Variants in ZNF462 observed in about 807,000 individuals in gnomAD.
ZNF462 encodes zinc finger PBX1-interacting protein.
ZNF462 carries 10 observed loss-of-function variants against 201.9 expected under a neutral mutation model. The observed-to-expected ratio is 0.05, with a 90% CI of 0.03 to 0.08. The LOEUF (loss-of-function observed/expected upper bound fraction) is 0.08. Ranked by LOEUF, ZNF462 falls within the 10% of genes least tolerant of loss-of-function variation. ZNF462 has a pLI of 1.00. For missense variants in ZNF462, 2,523 were observed against 3,168.3 expected, an observed-to-expected ratio of 0.80 and a Z score of 4.89; for synonymous variants, 1,227 against 1,193.3, an observed-to-expected ratio of 1.03 and a Z score of -0.58.
At position 106,950,492 on chromosome 9, in the gene ZNF462, A is replaced by T. The variant is rs938365740; in HGVS notation, c.6427+11385A>T. On this transcript the variant is annotated intron_variant, in intron 7 of 12. Coordinates refer to ENST00000277225, the MANE Select transcript of ZNF462 (RefSeq NM_021224.6). The surrounding 1 kb of genome is among the most constrained non-coding windows in gnomAD (Gnocchi z 4.1). ...GTATTTTAAAATTTTGCCCATGGGT[A>T]AGTTTTTAATTAGGGATACAGAGAA... 6.6e-6 allele frequency among the ~76,000 whole-genome samples: 1 copy of T among 152,184 alleles called. No individual in the cohort carries two copies. The highest frequency in any genetic ancestry group is 2.1e-4 in the South Asian group (1 of 4,828).
chr9:107,003,507 G>A lies in ZNF462; in HGVS notation c.7189+81G>A. On this transcript the variant is annotated intron_variant, in intron 11 of 12. Coordinates refer to ENST00000277225, the MANE Select transcript of ZNF462 (RefSeq NM_021224.6). The surrounding 1 kb of genome is among the most constrained non-coding windows in gnomAD (Gnocchi z 4.4). ...GACAGAAGGGAGGCAGGAGGTTGTT[G>A]TAGGAGTAACAGAAGGAATGATCCT... 6.5e-7 allele frequency: 1 copy of A among 1,544,920 alleles called. No individual in the cohort carries two copies. The highest frequency in any genetic ancestry group is 8.7e-7 in the Non-Finnish European group (1 of 1,144,136).
At position 106,931,000 on chromosome 9, in the gene ZNF462, C is replaced by T. The variant is rs755791639; in HGVS notation, c.6012+311C>T. On this transcript the variant is annotated intron_variant, in intron 4 of 12. Coordinates refer to ENST00000277225, the MANE Select transcript of ZNF462 (RefSeq NM_021224.6). This position sits in a 1 kb window ranked among gnomAD's most constrained non-coding sequence, Gnocchi z 5.8. ...TCTGCGTTTAGTGCCATTAGCTCTT[C>T]GTTCTTCCAAGTTGCCCGAGCTCTT... The T allele has an allele frequency of 2.1e-5, 5 of 237,576 alleles. No individual in the cohort carries two copies. The highest frequency in any genetic ancestry group is 1.4e-4 in the Admixed American group (3 of 21,006). 14.7% of individuals were successfully genotyped at this position (237,576 alleles called of 1,614,324 possible). A position where few individuals can be genotyped will look rare whatever the true frequency, so the allele number is the denominator to read the frequency against.
intron 1 of ZNF462, among the ~76,000 whole-genome samples, chr9:106,897,219 T>C (rs1240238676): frequency 6.6e-6 from 1 of 152,232 alleles, no homozygotes; most frequent in Admixed American, 6.5e-5. Flanking sequence ...TCTATATTTA[T>C]ATATTTGCAT....
intron 7 of ZNF462, among the ~76,000 whole-genome samples, chr9:106,951,467 G>A (rs1307334686): frequency 6.6e-6 from 1 of 152,014 alleles, no homozygotes; most frequent in Non-Finnish European, 1.5e-5. Context: ...AAAAAACAAG[G>A]GTAAGAAAGA....
Position 106,933,086 on chromosome 9 carries a change from G to A in ZNF462, c.6116+537G>A, listed in dbSNP as rs538823726. On this transcript the variant is annotated intron_variant, in intron 5 of 12. Transcript: ENST00000277225. This position sits in a 1 kb window ranked among gnomAD's most constrained non-coding sequence, Gnocchi z 4.3. ...CATTACTCATCACAGCTTTGAAAGTGTAAATATGGAATAGGTGTGTAAGGC... is the reference window on the plus strand; with the variant it reads ...CATTACTCATCACAGCTTTGAAAGTATAAATATGGAATAGGTGTGTAAGGC... 205 of 167,180 alleles carry A rather than the reference G, an allele frequency of 1.2e-3. 1 individual carries two copies. Among genetic ancestry groups the A allele is most frequent in the African/African-American group, 4.7e-3 (197 of 41,620 alleles). 10.4% of individuals were successfully genotyped at this position (167,180 alleles called of 1,614,324 possible).
intron 10 of ZNF462, among the ~76,000 whole-genome samples, chr9:106,986,544 G>T (rs1449742414): frequency 6.6e-6 from 1 of 152,128 alleles, no homozygotes; most frequent in African/African-American, 2.4e-5. Flanking sequence ...CATAATGGCA[G>T]CTGTGTTCCC....
At position 106,981,655 on chromosome 9, in the gene ZNF462, C is replaced by T. The variant is rs1486500139; in HGVS notation, c.6833-2531C>T. Among the ~76,000 whole-genome samples the T allele has an allele frequency of 6.6e-6, 1 of 152,130 alleles. No homozygotes were observed. Among genetic ancestry groups the T allele is most frequent in the Non-Finnish European group, 1.5e-5 (1 of 68,026 alleles). ...ACTTCAGGGTGTTATTCTGACTATTCATGACTTTGTGTAAAATTCACTTAG... is the reference window on the plus strand; with the variant it reads ...ACTTCAGGGTGTTATTCTGACTATTTATGACTTTGTGTAAAATTCACTTAG... On this transcript the variant is annotated intron_variant, in intron 9 of 12. Coordinates refer to ENST00000277225, the MANE Select transcript of ZNF462 (RefSeq NM_021224.6). The surrounding 1 kb of genome is among the most constrained non-coding windows in gnomAD (Gnocchi z 4.0).
At chr9:106,951,397 C>A (rs1409828962) in intron 7 of ZNF462, among the ~76,000 whole-genome samples, 1 of 152,108 alleles carries the variant, frequency 6.6e-6, no homozygotes, top group Admixed American at 6.5e-5. Flanking sequence ...TAATTCTGTG[C>A]AAGTGTAGGT....
At chr9:106,973,986 T>G in intron 8 of ZNF462, 151 bp from the exon 9 acceptor site, 1 of 967,408 alleles carries the variant, frequency 1.0e-6, no homozygotes, top group Non-Finnish European at 1.5e-6. Flanking sequence ...AGTTTCTGGG[T>G]GGTCAACAAA....
At position 106,963,517 on chromosome 9, in the gene ZNF462, A is replaced by C. The variant is rs373134033; in HGVS notation, c.6428-8488A>C. On this transcript the variant is annotated intron_variant, in intron 7 of 12. Coordinates refer to ENST00000277225, the MANE Select transcript of ZNF462 (RefSeq NM_021224.6). This position sits in a 1 kb window ranked among gnomAD's most constrained non-coding sequence, Gnocchi z 4.7. ...TGCTTGGTTGTCATTTCAGATTGAC[A>C]GGAACAATGCCTTGTGTGCCTGTAT... Among the ~76,000 whole-genome samples, 28 of 152,200 alleles carry C rather than the reference A, an allele frequency of 1.8e-4. No homozygotes were observed. Among genetic ancestry groups the C allele is most frequent in the African/African-American group, 6.7e-4 (28 of 41,554 alleles).
rs898129358 is a variant in ZNF462 at position 106,883,432 on chromosome 9, C to T, written c.-31+20077C>T. 2.0e-4 allele frequency among the ~76,000 whole-genome samples: 30 copies of T among 152,306 alleles called. No individual in the cohort carries two copies. Among genetic ancestry groups the T allele is most frequent in the African/African-American group, 7.0e-4 (29 of 41,554 alleles). ...TGGAAAATGAAAAGACTTTTCTCCT[C>T]ATGATCCTGTTTGGTAATTCTGATT... On this transcript the variant is annotated intron_variant, in intron 1 of 12. Coordinates refer to ENST00000277225, the MANE Select transcript of ZNF462 (RefSeq NM_021224.6). This position sits in a 1 kb window ranked among gnomAD's most constrained non-coding sequence, Gnocchi z 4.9.
intron 7 of ZNF462, among the ~76,000 whole-genome samples, chr9:106,967,733 G>C (rs559655710): frequency 6.6e-6 from 1 of 152,258 alleles, no homozygotes; most frequent in Admixed American, 6.5e-5. Context: ...TCTAACTAAA[G>C]CATGACATTT....
upstream of ZNF462, among the ~76,000 whole-genome samples, chr9:106,861,076 TAG>T (rs931320469): frequency 1.3e-5 from 2 of 151,754 alleles, no homozygotes; most frequent in African/African-American, 4.8e-5. Flanking sequence ...ACCGCACGCG[TAG>T]AGTGTCATTT....
Position 106,932,967 on chromosome 9 carries a change from CT to C in ZNF462, c.6116+420del, listed in dbSNP as rs1830483925. On this transcript the variant is annotated intron_variant, in intron 5 of 12. Coordinates refer to ENST00000277225, the MANE Select transcript of ZNF462 (RefSeq NM_021224.6). The surrounding 1 kb of genome is among the most constrained non-coding windows in gnomAD (Gnocchi z 6.8). ...AACCCATGTGACCAAAGAAACATTG[CT>C]TGCAATTTTTCAAAAGATCTTGAAA... Among the ~76,000 whole-genome samples, 1 of 152,152 alleles carries C rather than the reference CT, an allele frequency of 6.6e-6. No individual in the cohort carries two copies. The highest frequency in any genetic ancestry group is 2.1e-4 in the South Asian group (1 of 4,820).
chr9:106,931,604 C>T (rs966194107), intron 4 of ZNF462, among the ~76,000 whole-genome samples: 4 of 152,198 alleles, frequency 2.6e-5, no homozygotes, highest in African/African-American at 9.6e-5. Context: ...TCAGACACCA[C>T]TGCGGTGTGT....
Position 106,925,658 on chromosome 9 carries a change from A to G in ZNF462, c.1746A>G (p.Pro582=), listed in dbSNP as rs1830164266. 3 of 1,613,864 alleles carry G rather than the reference A, an allele frequency of 1.9e-6. No individual in the cohort carries two copies. Among genetic ancestry groups the G allele is most frequent in the Non-Finnish European group, 2.5e-6 (3 of 1,179,938 alleles). The change falls in exon 3 of 13, where the codon CCA becomes CCG. Residue 582 remains proline, a synonymous_variant. Coordinates refer to ENST00000277225, the MANE Select transcript of ZNF462 (RefSeq NM_021224.6). This position sits in a 1 kb window ranked among gnomAD's most constrained non-coding sequence, Gnocchi z 7.9. The part of the protein sequence containing the change: ...HQVPPQPQTQ[P]PPTQQPQPPT... The stretch of plus-strand genomic sequence containing the variant: ...TGCCACCCCAGCCACAAACACAGCC[A>G]CCACCAACGCAGCAGCCACAGCCAC...
At chr9:106,889,012 A>G (rs1045180157) in intron 1 of ZNF462, among the ~76,000 whole-genome samples, 1 of 152,194 alleles carries the variant, frequency 6.6e-6, no homozygotes, top group African/African-American at 2.4e-5. Flanking sequence ...TTTCACTTTA[A>G]CAGAAAGATT....
At position 106,927,398 on chromosome 9, in the gene ZNF462, G is replaced by A. The variant is rs758632270; in HGVS notation, c.3486G>A (p.Gly1162=). ...CTGCAATGATGAGAGGGGTCGAAGG[G>A]CCCCAAGGCTCCCCCCGGCCACCCG... is the stretch of plus-strand genomic sequence containing the variant. ...PTAAMMRGVE[G]PQGSPRPPAP... Residue 1162 remains glycine (G), a synonymous_variant, in exon 3 of 13, where the codon GGG becomes GGA. Transcript: ENST00000277225. 8.7e-6 allele frequency: 14 copies of A among 1,613,882 alleles called. No homozygotes were observed. The East Asian group carries it at 3.1e-4, about 36-fold the overall frequency.
Position 106,927,895 on chromosome 9 carries a change from T to A in ZNF462, c.3983T>A (p.Leu1328His). 3.7e-6 allele frequency: 6 copies of A among 1,614,180 alleles called. No homozygotes were observed. Among genetic ancestry groups the A allele is most frequent in the Non-Finnish European group, 5.1e-6 (6 of 1,180,040 alleles). ...IYSHTEPNGL[L>H]LHYQRRHPEH... ...TCCCATACGGAGCCCAACGGTTTGC[T>A]CCTGCATTACCAACGGAGGCATCCA... The change falls in exon 3 of 13, where the codon CTC becomes CAC. Residue 1328 changes from leucine (L) to histidine (H), a missense_variant. Transcript: ENST00000277225.
Sources: allele counts gnomAD v4.1 joint callset (sites outside exome capture counted in the v4.1 genomes callset), GRCh38; gene constraint gnomAD v4.1.1; non-coding constraint Gnocchi (gnomAD v3.1); transcripts MANE v1.5; gene names NCBI Gene and HGNC (gene_info 2026-07-23, HGNC 2026-07-21).